The following GMIP variants were observed in gnomAD, a reference collection of about 807,000 sequenced individuals.
GMIP encodes GEM interacting protein.
In GMIP, 54 loss-of-function variants were observed where a neutral mutation model predicts 105.3. That is an observed-to-expected ratio of 0.51 (90% CI 0.41 to 0.64). The LOEUF is 0.64. Ranked by LOEUF, GMIP falls within the 30% of genes least tolerant of loss-of-function variation. The pLI, the probability that GMIP is intolerant of heterozygous loss-of-function variation, is 0.00. For missense variants in GMIP, 1,110 were observed against 1,319.4 expected (o/e 0.84, Z 2.46); for synonymous variants, 541 against 560.8 (o/e 0.96, Z 0.50).
At chr19:19,632,965 G>A (rs1027713036) in intron 19 of GMIP, among the ~76,000 whole-genome samples, 1 of 151,674 alleles carries the variant, frequency 6.6e-6, no homozygotes, top group African/African-American at 2.4e-5. Context: ...GCTCAAGTCC[G>A]TCTGCTCTCT....
chr19:19,639,443 CCT>C (rs1049105605), intron 7 of GMIP, among the ~76,000 whole-genome samples: 6 of 151,958 alleles, frequency 3.9e-5, no homozygotes, highest in African/African-American at 1.5e-4. Context: ...CTCCCCGACC[CCT>C]GAGTCCAGAA....
At position 19,637,942 on chromosome 19, in the gene GMIP, T is replaced by C. The variant is rs1190604501; in HGVS notation, c.905A>G (p.Gln302Arg). ...IVSHVRKLVF[Q>R]GDEVLRRVTL... Reference sequence around the variant, plus strand: ...CACCCGCCTCAGCACTTCATCCCCCTGAAACACCAGCTTGCGCACGTGCGA... The same window carrying C: ...CACCCGCCTCAGCACTTCATCCCCCCGAAACACCAGCTTGCGCACGTGCGA... Residue 302 changes from glutamine to arginine, a missense_variant, in exon 10 of 21, where the codon CAG (glutamine) becomes CGG (arginine). Coordinates refer to ENST00000203556, the MANE Select transcript of GMIP (RefSeq NM_016573.4). This position sits in a 1 kb window ranked among gnomAD's most constrained non-coding sequence, Gnocchi z 6.7. 6.2e-7 allele frequency: 1 copy of C among 1,608,682 alleles called. No individual in the cohort carries two copies. The highest frequency in any genetic ancestry group is 8.5e-7 in the Non-Finnish European group (1 of 1,178,234).
chr19:19,643,361 C>A, intron 1 of GMIP, 150 bp downstream of exon 1: 1 of 677,368 alleles, frequency 1.5e-6, no homozygotes. Flanking sequence ...CATCCGGGCA[C>A]AGGGCTCCCC....
In GMIP at chr19:19,635,166, G is replaced by A; in HGVS notation, c.1608C>T (p.Leu536=). ...HKRCLETLLI[L]CGHRRLPART... ...GGGCTGGGAGCCGCCTGTGTCCACA[G>A]AGGATCAGGAGAGTCTCCAGGCAGC... Residue 536 remains leucine (L), a synonymous_variant, in exon 16 of 21, where the codon CTC becomes CTT. Coordinates refer to ENST00000203556, the MANE Select transcript of GMIP (RefSeq NM_016573.4). This position sits in a 1 kb window ranked among gnomAD's most constrained non-coding sequence, Gnocchi z 4.7. The A allele has an allele frequency of 6.2e-7, 1 of 1,613,904 alleles. No individual in the cohort carries two copies. The highest frequency in any genetic ancestry group is 8.5e-7 in the Non-Finnish European group (1 of 1,179,856).
rs1344872841 is a variant in GMIP, at chr19:19,635,184, C to T, written c.1590G>A (p.Leu530=). 1.2e-6 allele frequency: 2 copies of T among 1,613,614 alleles called. No homozygotes were observed. The highest frequency in any genetic ancestry group is 1.7e-6 in the Non-Finnish European group (2 of 1,179,750). The change falls in exon 16 of 21, where the codon CTG becomes CTA. Residue 530 remains leucine, a synonymous_variant. Transcript: ENST00000203556. The surrounding 1 kb of genome is among the most constrained non-coding windows in gnomAD (Gnocchi z 4.7). The stretch of plus-strand genomic sequence containing the variant: ...GTCCACAGAGGATCAGGAGAGTCTC[C>T]AGGCAGCGCTTGTGGCAGGTCAGAA... ...ECFLTCHKRC[L]ETLLILCGHR... is the part of the protein sequence containing the mutation.
At chr19:19,632,692 C>CA (rs1318360680) in intron 19 of GMIP, among the ~76,000 whole-genome samples, 3 of 152,212 alleles carry the variant, frequency 2.0e-5, no homozygotes, top group African/African-American at 7.2e-5. Flanking sequence ...GTCCCCTGCA[C>CA]AGCAGGTGCA....
rs745833616 is a variant in GMIP at position 19,638,344 on chromosome 19, G to T, written c.619-15C>A. On this transcript the variant is annotated splice_polypyrimidine_tract_variant and intron_variant, in intron 8 of 20. Coordinates refer to ENST00000203556, the MANE Select transcript of GMIP (RefSeq NM_016573.4). ...ACCGCCTCATTCTGGGGGATGATGA[G>T]AAGGTCAGCGTCCCGGCCTCTCTCT... is the stretch of plus-strand genomic sequence containing the variant. 2 of 1,614,100 alleles carry T rather than the reference G, an allele frequency of 1.2e-6. No individual in the cohort carries two copies. Among genetic ancestry groups the T allele is most frequent in the Non-Finnish European group, 8.5e-7 (1 of 1,180,010 alleles).
At chr19:19,636,400 G>A (rs2061854423) in intron 13 of GMIP, among the ~76,000 whole-genome samples, 1 of 151,784 alleles carries the variant, frequency 6.6e-6, no homozygotes, top group South Asian at 2.1e-4. Context: ...GTGCACACCT[G>A]TAATCCCAGC....
rs962307463 is a variant in GMIP at position 19,638,617 on chromosome 19, T to C, written c.538-135A>G. On this transcript the variant is annotated intron_variant, in intron 7 of 20. Transcript: ENST00000203556. ...TTTTTTTTTTTTTCGAGACGGAGTT[T>C]TGCTCTTGTTGCCCAGGTTGGAGTG... 8 of 677,992 alleles carry C rather than the reference T, an allele frequency of 1.2e-5. No homozygotes were observed. In the African/African-American group the frequency reaches 1.3e-4, roughly 11 times the overall value. 42.0% of individuals were successfully genotyped at this position (677,992 alleles called of 1,614,324 possible). A position where few individuals can be genotyped will look rare whatever the true frequency, so the allele number is the denominator to read the frequency against.
Position 19,630,314 on chromosome 19 carries a change from G to A in GMIP, c.2562C>T (p.Asp854=). The change falls in exon 21 of 21, where the codon GAC becomes GAT. Residue 854 remains aspartate (D), a synonymous_variant. Coordinates refer to ENST00000203556, the MANE Select transcript of GMIP (RefSeq NM_016573.4). The surrounding 1 kb of genome is among the most constrained non-coding windows in gnomAD (Gnocchi z 4.8). The stretch of plus-strand genomic sequence containing the variant: ...CACGAGACTGTGTCCCCAGGAGTGA[G>A]TCCTCTGGGCCTTGGCTGGACACTG... The part of the protein sequence containing the change: ...GGEVSSQGPE[D]SLLGTQSRGH... 1 of 1,542,104 alleles carries A rather than the reference G, an allele frequency of 6.5e-7. No individual in the cohort carries two copies. The highest frequency in any genetic ancestry group is 8.7e-7 in the Non-Finnish European group (1 of 1,143,030).
rs1027866410 is a variant in GMIP, at chr19:19,634,535, G to A, written c.2056C>T (p.Leu686=). The change falls in exon 18 of 21, where the codon CTG becomes TTG. Residue 686 remains leucine (L), a synonymous_variant. Coordinates refer to ENST00000203556, the MANE Select transcript of GMIP (RefSeq NM_016573.4). The surrounding 1 kb of genome is among the most constrained non-coding windows in gnomAD (Gnocchi z 6.1). ...VQLPDSNYNT[L]RHLVAHLFRV... ...AACAGATGGGCCACCAGGTGCCGCA[G>A]GGTGTTGTAGTTAGAGTCAGGCAGC... is the stretch of plus-strand genomic sequence containing the variant. 1.2e-6 allele frequency: 2 copies of A among 1,612,258 alleles called. No homozygotes were observed. Among genetic ancestry groups the A allele is most frequent in the Non-Finnish European group, 1.7e-6 (2 of 1,179,560 alleles).
rs762139844 is a variant in GMIP, at chr19:19,630,164, G to A, written c.2712C>T (p.Pro904=). ...GCCCCCGCCCCCGCAAACTCCCTCT[G>A]GGCACTGATGTGATGGGGGTCTCCT... ...LCEETPITSV[P]RGSLRGRGPS... The change falls in exon 21 of 21, where the codon CCC becomes CCT. Residue 904 remains proline (P), a synonymous_variant. Coordinates refer to ENST00000203556, the MANE Select transcript of GMIP (RefSeq NM_016573.4). This position sits in a 1 kb window ranked among gnomAD's most constrained non-coding sequence, Gnocchi z 4.8. 7 of 1,603,794 alleles carry A rather than the reference G, an allele frequency of 4.4e-6. No homozygotes were observed. Among genetic ancestry groups the A allele is most frequent in the Non-Finnish European group, 6.0e-6 (7 of 1,173,442 alleles).
chr19:19,636,974 C>T lies in GMIP; in HGVS notation c.1180G>A (p.Glu394Lys). The change falls in exon 12 of 21, where the codon GAG becomes AAG. Residue 394 changes from glutamate to lysine, a missense_variant. Glu to Lys is a moderately conservative substitution (Grantham distance 56). Transcript: ENST00000203556. ...LSGPLPPRLD[E>K]NSAEPGPWED... ...CAAGGGCCTGGCTCAGCTGAATTCT[C>T]ATCCAGCCTTGGAGGAAGAGGCCCA... 6.3e-7 allele frequency: 1 copy of T among 1,585,754 alleles called. No homozygotes were observed. Among genetic ancestry groups the T allele is most frequent in the East Asian group, 2.3e-5 (1 of 43,550 alleles).
At chr19:19,640,399 G>A (rs1330634943) in intron 5 of GMIP, 39 bp from the exon 6 acceptor site, 2 of 1,614,036 alleles carry the variant, frequency 1.2e-6, no homozygotes, top group South Asian at 2.2e-5. Context: ...TCTAGCTGGG[G>A]TCTGGGGACT....
Position 19,637,409 on chromosome 19 carries a change from CG to C in GMIP, c.1079del (p.Pro360ArgfsTer14). The C allele has an allele frequency of 6.8e-7, 1 of 1,474,850 alleles. No individual in the cohort carries two copies. Among genetic ancestry groups the C allele is most frequent in the Admixed American group, 2.7e-5 (1 of 36,848 alleles). The allele number at this position is 1,474,850 out of a possible 1,614,324, so 91.4% of individuals were successfully genotyped here. On this transcript the variant is annotated frameshift_variant, in exon 11 of 21. Transcript: ENST00000203556. LOFTEE classifies it high-confidence loss of function. This position sits in a 1 kb window ranked among gnomAD's most constrained non-coding sequence, Gnocchi z 6.7. ...RALRPEAPPP[P>X]PPAFSFQEFL... ...ACTCCTGGAAGGAGAAGGCGGGCGGCGGGGGCGGCGGGGCCTCGGGCCGCAG... is the reference window on the plus strand; with the variant it reads ...ACTCCTGGAAGGAGAAGGCGGGCGGCGGGGCGGCGGGGCCTCGGGCCGCAG...
chr19:19,637,543 C>A lies in GMIP; in HGVS notation c.946G>T (p.Gly316Trp). The change falls in exon 11 of 21, where the codon GGG becomes TGG. Residue 316 changes from glycine (G) to tryptophan (W), a missense_variant. Around this residue, in one of 3 missense-constraint regions of GMIP, gnomAD observed 667 missense variants for 773.2 expected, o/e 0.86. Coordinates refer to ENST00000203556, the MANE Select transcript of GMIP (RefSeq NM_016573.4). The surrounding 1 kb of genome is among the most constrained non-coding windows in gnomAD (Gnocchi z 6.7). ...CGCTCTGCCTGCGCCCCCCGCAGCCCGAAGAGACTCAGCGTCACCTGCCGG... is the reference window on the plus strand; with the variant it reads ...CGCTCTGCCTGCGCCCCCCGCAGCCAGAAGAGACTCAGCGTCACCTGCCGG... ...VLRRVTLSLF[G>W]LRGAQAERGP... is the part of the protein sequence containing the mutation. 3 of 1,531,378 alleles carry A rather than the reference C, an allele frequency of 2.0e-6. No individual in the cohort carries two copies. The highest frequency in any genetic ancestry group is 2.5e-5 in the East Asian group (1 of 40,378). The allele number at this position is 1,531,378 out of a possible 1,614,324, so 94.9% of individuals were successfully genotyped here. A position where few individuals can be genotyped will look rare whatever the true frequency, so the allele number is the denominator to read the frequency against.
rs1045984661 is a variant in GMIP at position 19,639,330 on chromosome 19, C to T, written c.537+755G>A. 2.0e-5 allele frequency among the ~76,000 whole-genome samples: 3 copies of T among 151,802 alleles called. 1 individual carries two copies. The South Asian group carries it at 6.2e-4, about 32-fold the overall frequency. ...TCCTGGGCTCAAGCAATCCTCCCTC[C>T]TTGGCCCCCAGAAGTGCTGGGATTA... On this transcript the variant is annotated intron_variant, in intron 7 of 20. Transcript: ENST00000203556.
Position 19,634,724 on chromosome 19 carries a change from G to A in GMIP, c.1888-21C>T, listed in dbSNP as rs773364862. 1.4e-5 allele frequency: 22 copies of A among 1,608,188 alleles called. No individual in the cohort carries two copies. The Admixed American group carries it at 1.7e-4, about 12-fold the overall frequency. On this transcript the variant is annotated intron_variant, in intron 17 of 20. Coordinates refer to ENST00000203556, the MANE Select transcript of GMIP (RefSeq NM_016573.4). This position sits in a 1 kb window ranked among gnomAD's most constrained non-coding sequence, Gnocchi z 6.1. Reference sequence around the variant, plus strand: ...GTGAGCTGGGGGTGGAACGGAGGGCGCAACACGAGTGTGGGTGGGCTGTGG... The same window carrying A: ...GTGAGCTGGGGGTGGAACGGAGGGCACAACACGAGTGTGGGTGGGCTGTGG...
Position 19,637,236 on chromosome 19 carries a change from C to T in GMIP, c.1124+129G>A. 1 of 721,270 alleles carries T rather than the reference C, an allele frequency of 1.4e-6. No homozygotes were observed. The highest frequency in any genetic ancestry group is 2.3e-6 in the Non-Finnish European group (1 of 438,014). 44.7% of individuals were successfully genotyped at this position (721,270 alleles called of 1,614,324 possible). ...AACCCATTCACCCTCCTATGGCCCCCGAGAGCCTGGAGTACTAAATTCCAC... is the reference window on the plus strand; with the variant it reads ...AACCCATTCACCCTCCTATGGCCCCTGAGAGCCTGGAGTACTAAATTCCAC... On this transcript the variant is annotated intron_variant, in intron 11 of 20. Transcript: ENST00000203556. This position sits in a 1 kb window ranked among gnomAD's most constrained non-coding sequence, Gnocchi z 6.7.
Sources: gnomAD v4.1 joint callset for allele counts (sites outside exome capture counted in the v4.1 genomes callset) on GRCh38, gnomAD v4.1.1 for gene constraint, gnomAD v4.1.1 regional missense constraint, Gnocchi (gnomAD v3.1) non-coding constraint, MANE v1.5 for transcripts, NCBI Gene and HGNC (gene_info 2026-07-23, HGNC 2026-07-21) for gene names.